Variants in VAV3 observed in about 807,000 individuals in gnomAD.
The protein encoded by VAV3 is guanine nucleotide exchange factor VAV3.
In VAV3, 94 loss-of-function variants were observed where a neutral mutation model predicts 131.2. The ratio of observed to expected loss-of-function variants is 0.72; its 90% CI spans 0.61 to 0.85. VAV3 has a LOEUF of 0.85. VAV3 is among the 40% of genes least tolerant of loss of function. VAV3 has a pLI of 0.00. For missense variants in VAV3, 939 were observed against 1,002.7 expected, an observed-to-expected ratio of 0.94 and a Z score of 0.86; for synonymous variants, 349 against 342.0, an observed-to-expected ratio of 1.02 and a Z score of -0.22.
chr1:107,885,322 T>C (rs1264002167), intron 1 of VAV3, among the ~76,000 whole-genome samples: 1 of 152,132 alleles, frequency 6.6e-6, no homozygotes, highest in East Asian at 1.9e-4. Flanking sequence ...CTATATGATA[T>C]GCTAATGGCA....
intron 2 of VAV3, among the ~76,000 whole-genome samples, chr1:107,810,724 T>C (rs2102329513): frequency 6.6e-6 from 1 of 152,244 alleles, no homozygotes; most frequent in East Asian, 1.9e-4. Flanking sequence ...TAGGTAATCA[T>C]GTTACAGCAA....
chr1:107,728,924 T>C (rs1662044840), intron 15 of VAV3, among the ~76,000 whole-genome samples: 2 of 152,210 alleles, frequency 1.3e-5, no homozygotes, highest in Admixed American at 1.3e-4. Flanking sequence ...GCTCCGACAG[T>C]ATGCAGAAAA....
rs896735584 is a variant in VAV3 at position 107,691,588 on chromosome 1, T to C, written c.1706-3182A>G. 3.3e-5 allele frequency among the ~76,000 whole-genome samples: 5 copies of C among 152,306 alleles called. No individual in the cohort carries two copies. The South Asian group carries it at 1.0e-3, about 32-fold the overall frequency. The stretch of plus-strand genomic sequence containing the variant: ...CCTGGGAACTTTCTTAGGATTGTAA[T>C]TCAATTCTTCAAGTTTCCAAAAGTT... On this transcript the variant is annotated intron_variant, in intron 17 of 26. Coordinates refer to ENST00000370056, the MANE Select transcript of VAV3 (RefSeq NM_006113.5).
intron 15 of VAV3, among the ~76,000 whole-genome samples, chr1:107,724,850 T>G (rs930106229): frequency 2.7e-5 from 4 of 147,952 alleles, no homozygotes; most frequent in East Asian, 2.0e-4. Flanking sequence ...AAAAAAAGGC[T>G]AGAGCTGAGC....
At chr1:107,729,127 A>G (rs971906627) in intron 15 of VAV3, among the ~76,000 whole-genome samples, 1 of 152,218 alleles carries the variant, frequency 6.6e-6, no homozygotes, top group Non-Finnish European at 1.5e-5. Context: ...ATATTTTGTT[A>G]TGTATGAAAC....
intron 2 of VAV3, among the ~76,000 whole-genome samples, chr1:107,832,913 T>C (rs1335670302): frequency 6.6e-6 from 1 of 152,216 alleles, no homozygotes; most frequent in African/African-American, 2.4e-5. Flanking sequence ...CAAAGAACCA[T>C]ACTATTCTAT....
chr1:107,576,542 C>G, intron 25 of VAV3: 1 of 1,268,588 alleles, frequency 7.9e-7, no homozygotes, highest in East Asian at 2.7e-5. Flanking sequence ...TATCTCAACA[C>G]AACCATTTTC....
intron 12 of VAV3, among the ~76,000 whole-genome samples, chr1:107,751,522 A>G (rs1663724979): frequency 6.6e-6 from 1 of 152,176 alleles, no homozygotes; most frequent in South Asian, 2.1e-4. Flanking sequence ...ATATTTTTTG[A>G]GCATCTACTA....
chr1:107,902,181 TC>T (rs776996362), intron 1 of VAV3, among the ~76,000 whole-genome samples: 6 of 152,196 alleles, frequency 3.9e-5, no homozygotes, highest in Non-Finnish European at 8.8e-5. Flanking sequence ...AAAGATGAAT[TC>T]TAACTTTCCA....
At chr1:107,953,422 T>A (rs1674649861) in intron 1 of VAV3, among the ~76,000 whole-genome samples, 1 of 152,152 alleles carries the variant, frequency 6.6e-6, no homozygotes, top group African/African-American at 2.4e-5. Context: ...GAAAACAGAT[T>A]CAATAAGTAA....
chr1:107,649,725 T>C (rs1384386615), intron 19 of VAV3, among the ~76,000 whole-genome samples: 1 of 152,138 alleles, frequency 6.6e-6, no homozygotes, highest in Non-Finnish European at 1.5e-5. Context: ...AAGGGCACTT[T>C]GCAAGAACCT....
intron 15 of VAV3, among the ~76,000 whole-genome samples, chr1:107,747,845 A>T (rs879730468): frequency 6.6e-6 from 1 of 152,184 alleles, no homozygotes; most frequent in Non-Finnish European, 1.5e-5. Context: ...TATTAGATAA[A>T]ATAATCCTGA....
chr1:107,867,046 CA>C (rs1352595774), intron 2 of VAV3, among the ~76,000 whole-genome samples: 4 of 151,902 alleles, frequency 2.6e-5, no homozygotes, highest in Non-Finnish European at 5.9e-5. Context: ...CTGGAGTAAA[CA>C]AAAGTTTGTT....
intron 1 of VAV3, among the ~76,000 whole-genome samples, chr1:107,895,189 C>A (rs1255938085): frequency 2.6e-5 from 4 of 152,062 alleles, no homozygotes; most frequent in Non-Finnish European, 5.9e-5. Context: ...AGAACTTAAG[C>A]CCCAAGGCTT....
chr1:107,654,325 A>G (rs987254206), intron 19 of VAV3, among the ~76,000 whole-genome samples: 9 of 152,038 alleles, frequency 5.9e-5, no homozygotes, highest in South Asian at 2.1e-4. Flanking sequence ...CCTTTAGATT[A>G]TTGTAGGAAT....
intron 1 of VAV3, among the ~76,000 whole-genome samples, chr1:107,932,971 A>C (rs1673517901): frequency 6.6e-6 from 1 of 152,240 alleles, no homozygotes; most frequent in African/African-American, 2.4e-5. Context: ...AATTTGGGTT[A>C]TTATCAGCCA....
At chr1:107,919,161 T>A (rs1035548210) in intron 1 of VAV3, among the ~76,000 whole-genome samples, 1 of 152,252 alleles carries the variant, frequency 6.6e-6, no homozygotes, top group South Asian at 2.1e-4. Context: ...AAAACTTACA[T>A]TTACCTTTAG....
At chr1:107,788,326 GCTGCTGCC>G (rs1320549149) in intron 2 of VAV3, among the ~76,000 whole-genome samples, 1 of 151,988 alleles carries the variant, frequency 6.6e-6, no homozygotes, top group Non-Finnish European at 1.5e-5. Context: ...GTCCCCAGGA[GCTGCTGCC>G]CTGCCCCTTC....
intron 1 of VAV3, among the ~76,000 whole-genome samples, chr1:107,956,404 G>T (rs535291111): frequency 6.6e-6 from 1 of 152,160 alleles, no homozygotes; most frequent in African/African-American, 2.4e-5. Flanking sequence ...ATCCTCAGCA[G>T]CTTTTGTTTG....
Sources: allele counts gnomAD v4.1 joint callset (sites outside exome capture counted in the v4.1 genomes callset), GRCh38; gene constraint gnomAD v4.1.1; transcripts MANE v1.5; gene names NCBI Gene and HGNC (gene_info 2026-07-23, HGNC 2026-07-21).